The following UBR2 variants were observed in gnomAD, a reference collection of about 807,000 sequenced individuals.
UBR2 encodes the protein E3 ubiquitin-protein ligase UBR2.
UBR2 carries 92 observed loss-of-function variants against 247.9 expected under a neutral mutation model. The ratio of observed to expected loss-of-function variants is 0.37; its 90% confidence interval spans 0.31 to 0.44. The LOEUF (loss-of-function observed/expected upper bound fraction) is 0.44, where lower values mean the gene tolerates loss of function less well. UBR2 is among the 20% of genes least tolerant of loss of function. The probability of loss-of-function intolerance (pLI) is 1.00; values close to 1 mark genes in which losing one functional copy is unlikely to be tolerated. For synonymous variants in UBR2, 672 were observed against 693.5 expected (o/e 0.97, Z 0.49); for missense variants, 1,613 against 2,112.6 (o/e 0.76, Z 4.64).
Position 42,642,399 on chromosome 6 carries a change from A to G in UBR2, c.2032-17A>G. ...CAATAAAAACTATTTACTCAATATA[A>G]TTACTTTTTTTTTTAGATTTATTAC... On this transcript the variant is annotated splice_polypyrimidine_tract_variant and intron_variant, in intron 17 of 46. Coordinates refer to ENST00000372901, the MANE Select transcript of UBR2 (RefSeq NM_001363705.2). 3 of 1,556,716 alleles carry G rather than the reference A, an allele frequency of 1.9e-6. No individual in the cohort carries two copies. The highest frequency in any genetic ancestry group is 1.1e-5 in the South Asian group (1 of 87,032).
chr6:42,582,327 A>C (rs558743170), intron 2 of UBR2, among the ~76,000 whole-genome samples: 2 of 150,982 alleles, frequency 1.3e-5, no homozygotes, highest in East Asian at 3.9e-4. Flanking sequence ...TAAGAAAATT[A>C]TTTATATTAA....
chr6:42,656,197 A>G (rs1268666271), intron 26 of UBR2, among the ~76,000 whole-genome samples: 1 of 152,238 alleles, frequency 6.6e-6, no homozygotes, highest in African/African-American at 2.4e-5. Context: ...TTTGTTGTAG[A>G]CATAATATTT....
chr6:42,628,900 G>A (rs1055730089), intron 11 of UBR2, among the ~76,000 whole-genome samples: 3 of 151,978 alleles, frequency 2.0e-5, no homozygotes, highest in Non-Finnish European at 4.4e-5. Flanking sequence ...AGAGTCTTAC[G>A]GGAGAATTTG....
chr6:42,667,587 C>CTTTTTTTTTTTTTTTTTTTTTTTTTT (rs1161068427), intron 34 of UBR2, among the ~76,000 whole-genome samples: 2 of 47,430 alleles, frequency 4.2e-5, no homozygotes, highest in Non-Finnish European at 6.9e-5. Context: ...ACAGTTTTGT[C>CTTTTTTTTTTTTTTTTTTTTTTTTTT]TTTTTTTTTT....
At chr6:42,588,887 C>T (rs1792474398) in intron 2 of UBR2, among the ~76,000 whole-genome samples, 1 of 152,144 alleles carries the variant, frequency 6.6e-6, no homozygotes, top group African/African-American at 2.4e-5. Context: ...GTGATGTTAG[C>T]TGTAGGTTTT....
intron 3 of UBR2, among the ~76,000 whole-genome samples, chr6:42,593,213 T>C (rs531050535): frequency 8.5e-5 from 13 of 152,092 alleles, no homozygotes; most frequent in Non-Finnish European, 1.6e-4. Context: ...AGCTACAAAA[T>C]TGGGCTACTT....
chr6:42,652,114 CT>C lies in UBR2; in HGVS notation c.2614+45del, dbSNP rs748607747. On this transcript the variant is annotated intron_variant, in intron 24 of 46. Transcript: ENST00000372901. ...GAAAATGTCTTGCCCATCTTTTTTGCTTGTTAAACATTGTTTTCTGTTAACT... is the reference window on the plus strand; with the variant it reads ...GAAAATGTCTTGCCCATCTTTTTTGCTGTTAAACATTGTTTTCTGTTAACT... 4.3e-5 allele frequency: 65 copies of C among 1,525,884 alleles called. No individual in the cohort carries two copies. The African/African-American group carries it at 8.4e-4, about 20-fold the overall frequency. The allele number at this position is 1,525,884 out of a possible 1,614,324, so 94.5% of individuals were successfully genotyped here.
Position 42,636,773 on chromosome 6 carries a change from G to A in UBR2, c.1675-238G>A, listed in dbSNP as rs140051536. Among the ~76,000 whole-genome samples the A allele has an allele frequency of 2.6e-5, 4 of 152,172 alleles. No individual in the cohort carries two copies. In the East Asian group the frequency reaches 7.8e-4, roughly 30 times the overall value. On this transcript the variant is annotated intron_variant, in intron 14 of 46. Coordinates refer to ENST00000372901, the MANE Select transcript of UBR2 (RefSeq NM_001363705.2). The stretch of plus-strand genomic sequence containing the variant: ...CCAGCTTGGTAATAGATTGGACAAT[G>A]GGGAATGGGGGAAAGGAGGGTATTG...
intron 42 of UBR2, among the ~76,000 whole-genome samples, chr6:42,681,584 AAAAG>A (rs143443868): frequency 0.42 from 63,549 of 151,612 alleles, 13,287 homozygotes; most frequent in African/African-American, 0.47. Context: ...CTTTTTTAAA[AAAAG>A]AAAATTACAA....
Position 42,573,783 on chromosome 6 carries a change from C to G in UBR2, c.128C>G (p.Ala43Gly). ...ACTAGAGAAGTGTACCAGCATTTAG[C>G]CCACTATGTACCCAAAATCTACTGC... ...DLTREVYQHLAHYVPKIYCRG... is the reference protein window; with the variant it reads ...DLTREVYQHLGHYVPKIYCRG... Residue 43 changes from alanine (A) to glycine (G), a missense_variant, in exon 2 of 47, where the codon GCC (alanine) becomes GGC (glycine). By Grantham distance (60) the Ala-to-Gly change is moderately conservative (BLOSUM62 0). Transcript: ENST00000372901. 6.2e-7 allele frequency: 1 copy of G among 1,609,980 alleles called. No individual in the cohort carries two copies. The highest frequency in any genetic ancestry group is 1.1e-5 in the South Asian group (1 of 90,490).
chr6:42,666,648 GACA>G (rs1349340606), intron 34 of UBR2, among the ~76,000 whole-genome samples: 1 of 152,012 alleles, frequency 6.6e-6, no homozygotes, highest in East Asian at 1.9e-4. Context: ...GGCTCTCCTT[GACA>G]ACATCTAATC....
chr6:42,597,209 C>A (rs1793031619), intron 4 of UBR2, among the ~76,000 whole-genome samples: 1 of 152,102 alleles, frequency 6.6e-6, no homozygotes, highest in Admixed American at 6.6e-5. Flanking sequence ...CCCTGCCTAG[C>A]CAAAAGTCAT....
At chr6:42,649,921 T>C (rs1797013244) in intron 22 of UBR2, among the ~76,000 whole-genome samples, 1 of 152,234 alleles carries the variant, frequency 6.6e-6, no homozygotes. Flanking sequence ...TTCTGCTTAA[T>C]AGAACAACAC....
chr6:42,622,506 A>G (rs1198583299), intron 11 of UBR2, among the ~76,000 whole-genome samples: 1 of 150,154 alleles, frequency 6.7e-6, no homozygotes, highest in Non-Finnish European at 1.5e-5. Flanking sequence ...GGTTAAAGTG[A>G]TTCTTCTGCC....
chr6:42,642,051 C>CA (rs1316576115), intron 17 of UBR2, among the ~76,000 whole-genome samples: 1 of 152,010 alleles, frequency 6.6e-6, no homozygotes, highest in Admixed American at 6.6e-5. Flanking sequence ...ATAGACCTCA[C>CA]ATAGGCTTGG....
intron 4 of UBR2, among the ~76,000 whole-genome samples, chr6:42,599,614 T>G (rs1274362887): frequency 1.2e-5 from 1 of 84,780 alleles, no homozygotes; most frequent in Non-Finnish European, 2.4e-5. Context: ...GTTTGGGGGT[T>G]TTTTTTGTTG....
chr6:42,577,731 G>T (rs1015729819), intron 2 of UBR2, among the ~76,000 whole-genome samples: 1 of 151,670 alleles, frequency 6.6e-6, no homozygotes, highest in Non-Finnish European at 1.5e-5. Flanking sequence ...TTTTTTTAGT[G>T]TAGTTAAATT....
intron 11 of UBR2, among the ~76,000 whole-genome samples, chr6:42,622,528 A>C (rs1434946493): frequency 6.6e-6 from 1 of 151,072 alleles, no homozygotes; most frequent in African/African-American, 2.4e-5. Flanking sequence ...CAGCCTCCCA[A>C]GTAGCTGGGA....
At chr6:42,581,016 T>A (rs1437506447) in intron 2 of UBR2, among the ~76,000 whole-genome samples, 1 of 140,894 alleles carries the variant, frequency 7.1e-6, no homozygotes, top group Admixed American at 7.1e-5. Context: ...TTTTTTTTTT[T>A]TTTTTTTTTT....
Sources: allele counts gnomAD v4.1 joint callset (sites outside exome capture counted in the v4.1 genomes callset), GRCh38; gene constraint gnomAD v4.1.1; transcripts MANE v1.5; gene names NCBI Gene and HGNC (gene_info 2026-07-23, HGNC 2026-07-21).